Variants in CDH4 observed in about 807,000 individuals in gnomAD.
The protein encoded by CDH4 is cadherin-4.
In CDH4, 33 loss-of-function variants were observed where a neutral mutation model predicts 86.0. The observed-to-expected ratio is 0.38, with a 90% CI of 0.29 to 0.51. The LOEUF is 0.51. Ranked by LOEUF, CDH4 falls within the 20% of genes least tolerant of loss-of-function variation. The pLI, the probability that CDH4 is intolerant of heterozygous loss-of-function variation, is 0.86. For missense variants in CDH4, 1,114 were observed against 1,307.4 expected (o/e 0.85, Z 2.28); for synonymous variants, 555 against 549.4 (o/e 1.01, Z -0.14).
At chr20:61,611,326 G>A (rs1400759227) in intron 2 of CDH4, among the ~76,000 whole-genome samples, 2 of 152,094 alleles carry the variant, frequency 1.3e-5, no homozygotes, top group African/African-American at 4.8e-5. Flanking sequence ...CACCTCATTA[G>A]CATAAACTCA....
intron 2 of CDH4, among the ~76,000 whole-genome samples, chr20:61,504,421 T>G (rs893847295): frequency 6.6e-6 from 1 of 152,174 alleles, no homozygotes; most frequent in African/African-American, 2.4e-5. Flanking sequence ...AAACATGACC[T>G]TAGATAGAGG....
intron 2 of CDH4, among the ~76,000 whole-genome samples, chr20:61,266,420 T>C (rs530282119): frequency 6.6e-6 from 1 of 152,066 alleles, no homozygotes; most frequent in African/African-American, 2.4e-5. Flanking sequence ...TGTGTCTGTA[T>C]TGGAGAAATG....
chr20:61,781,010 GC>G (rs1350533149), intron 4 of CDH4, among the ~76,000 whole-genome samples: 2 of 152,162 alleles, frequency 1.3e-5, no homozygotes, highest in Non-Finnish European at 2.9e-5. Flanking sequence ...ATCCTTGGCT[GC>G]CCCGGAAATG....
intron 2 of CDH4, among the ~76,000 whole-genome samples, chr20:61,657,110 C>G (rs983934746): frequency 2.6e-5 from 4 of 152,236 alleles, no homozygotes; most frequent in Non-Finnish European, 4.4e-5. Context: ...ATGCCAAACG[C>G]ACGCTCAGTC....
chr20:61,457,499 TGGG>T (rs1487054223), intron 2 of CDH4, among the ~76,000 whole-genome samples: 5 of 152,132 alleles, frequency 3.3e-5, no homozygotes, highest in Non-Finnish European at 5.9e-5. Context: ...GTGATAGTGA[TGGG>T]GGACAGGTGA....
chr20:61,373,876 T>C (rs542660081), intron 2 of CDH4, among the ~76,000 whole-genome samples: 1 of 152,334 alleles, frequency 6.6e-6, no homozygotes, highest in African/African-American at 2.4e-5. Context: ...GGTGACTGTA[T>C]AAACTCTGAG....
chr20:61,555,428 A>G (rs2086170261), intron 2 of CDH4, among the ~76,000 whole-genome samples: 1 of 152,186 alleles, frequency 6.6e-6, no homozygotes, highest in Non-Finnish European at 1.5e-5. Context: ...CAGGATGTGC[A>G]GGACTGTCCT....
intron 8 of CDH4, among the ~76,000 whole-genome samples, chr20:61,904,873 G>A (rs1356789897): frequency 1.3e-5 from 2 of 152,224 alleles, no homozygotes; most frequent in African/African-American, 2.4e-5. Flanking sequence ...GGCCCTGACC[G>A]CCCACTGACA....
intron 4 of CDH4, among the ~76,000 whole-genome samples, chr20:61,783,621 CAGGAGAATATAAGCCT>C (rs1485147429): frequency 7.2e-6 from 1 of 139,728 alleles, no homozygotes. Flanking sequence ...CCTGTGCTCC[CAGGAGAATATAAGCCT>C]AGTTCCTCGG....
intron 3 of CDH4, among the ~76,000 whole-genome samples, chr20:61,764,817 C>T (rs2088680083): frequency 6.6e-6 from 1 of 152,198 alleles, no homozygotes; most frequent in Non-Finnish European, 1.5e-5. Context: ...GAGCACAGAG[C>T]TCACCAGCCC....
At chr20:61,724,987 C>A (rs1403676071) in intron 2 of CDH4, among the ~76,000 whole-genome samples, 1 of 152,034 alleles carries the variant, frequency 6.6e-6, no homozygotes, top group African/African-American at 2.4e-5. Flanking sequence ...TGGCAGGTAT[C>A]CGTGGTCCCG....
intron 3 of CDH4, among the ~76,000 whole-genome samples, chr20:61,767,099 C>T (rs940996415): frequency 6.6e-6 from 1 of 152,222 alleles, no homozygotes; most frequent in Non-Finnish European, 1.5e-5. Flanking sequence ...CTAAATGAGA[C>T]TGTGTCTGGG....
chr20:61,580,218 G>C, intron 2 of CDH4, among the ~76,000 whole-genome samples: 1 of 152,154 alleles, frequency 6.6e-6, no homozygotes, highest in East Asian at 1.9e-4. Context: ...ACTTTGGGAG[G>C]CCTAGACGGG....
intron 4 of CDH4, 39 bp downstream of exon 4, chr20:61,773,221 C>T (rs377555192): frequency 2.7e-6 from 4 of 1,485,766 alleles, no homozygotes; most frequent in African/African-American, 1.4e-5. Context: ...GGGGTCTCGG[C>T]GTTAGCAGTA....
Position 61,897,441 on chromosome 20 carries a change from G to A in CDH4, c.1188+2394G>A, listed in dbSNP as rs533052187. On this transcript the variant is annotated intron_variant, in intron 8 of 15. Transcript: ENST00000614565. ...TGACCAGCACTGATCAGCCACCAGC[G>A]CTGACCAGCCACCACCATTTACCAG... 4.5e-4 allele frequency among the ~76,000 whole-genome samples: 69 copies of A among 151,724 alleles called. 1 individual carries two copies. In the South Asian group the frequency reaches 0.014, roughly 30 times the overall value.
chr20:61,316,627 A>G (rs11698417), intron 2 of CDH4, among the ~76,000 whole-genome samples: 1,590 of 152,348 alleles, frequency 0.01, 16 homozygotes, highest in Non-Finnish European at 0.018. Context: ...TTAGTAGGCC[A>G]CAAATGTTGC....
At chr20:61,403,824 C>A (rs1436230533) in intron 2 of CDH4, among the ~76,000 whole-genome samples, 1 of 152,120 alleles carries the variant, frequency 6.6e-6, no homozygotes, top group East Asian at 1.9e-4. Context: ...GAGGGGAAAT[C>A]AACATCTTTA....
rs181565779 is a variant in CDH4, at chr20:61,587,178, A to G, written c.170-156385A>G. On this transcript the variant is annotated intron_variant, in intron 2 of 15. Coordinates refer to ENST00000614565, the MANE Select transcript of CDH4 (RefSeq NM_001794.5). ...AGCCCAGTGGGGAGGACAAGGAGGA[A>G]GCCTCCAGGCTCGGGGCAGGGGAGA... is the stretch of plus-strand genomic sequence containing the variant. 2.9e-3 allele frequency among the ~76,000 whole-genome samples: 435 copies of G among 152,324 alleles called. 2 individuals are homozygous for G. The highest frequency in any genetic ancestry group is 0.015 in the Admixed American group (232 of 15,308).
chr20:61,570,267 T>A, intron 2 of CDH4: 1 of 207,128 alleles, frequency 4.8e-6, no homozygotes, highest in South Asian at 9.9e-5. Context: ...TGCACCTGTA[T>A]GTACGTGCCT....
Sources: gnomAD v4.1 joint callset for allele counts (sites outside exome capture counted in the v4.1 genomes callset) on GRCh38, gnomAD v4.1.1 for gene constraint, MANE v1.5 for transcripts, NCBI Gene and HGNC (gene_info 2026-07-23, HGNC 2026-07-21) for gene names.